EIF4E3: variants seen among roughly 807,000 people sequenced by gnomAD.
The protein encoded by EIF4E3 is eukaryotic translation initiation factor 4E type 3.
EIF4E3 carries 26 observed loss-of-function variants against 31.7 expected under a neutral mutation model. The observed-to-expected ratio is 0.82, with a 90% CI of 0.60 to 1.14. EIF4E3 has a LOEUF of 1.14. EIF4E3 is among the 50% of genes most tolerant of loss of function. The pLI is 0.00. For synonymous variants in EIF4E3, 128 were observed against 107.7 expected (o/e 1.19, Z -1.17); for missense variants, 304 against 270.9 (o/e 1.12, Z -0.86).
the EIF4E3 span, among the ~76,000 whole-genome samples, chr3:71,659,808 T>A: frequency 1.3e-4 from 20 of 152,348 alleles, no homozygotes; most frequent in Admixed American, 9.8e-4. Flanking sequence ...GATAGTCACC[T>A]GGGGGCAGGA....
At chr3:71,665,955 T>C in the EIF4E3 span, among the ~76,000 whole-genome samples, 1 of 152,226 alleles carries the variant, frequency 6.6e-6, no homozygotes, top group East Asian at 1.9e-4. Flanking sequence ...AAGCAGTTTT[T>C]AGAGGGAAAT....
At chr3:71,714,277 G>GGAAA (rs1424283180) in intron 1 of EIF4E3, among the ~76,000 whole-genome samples, 6 of 135,750 alleles carry the variant, frequency 4.4e-5, no homozygotes, top group Non-Finnish European at 9.6e-5. Context: ...AAGGAAAGAA[G>GGAAA]GAAGGAAGGA....
chr3:71,725,505 C>T, upstream of EIF4E3: 1 of 393,122 alleles, frequency 2.5e-6, no homozygotes, highest in Non-Finnish European at 3.4e-6. This position sits in a 1 kb window ranked among gnomAD's most constrained non-coding sequence, Gnocchi z 6.1. Context: ...CCGCCGCCCG[C>T]CGCCCGCCGC....
rs144382256 is a variant in EIF4E3 at position 71,706,951 on chromosome 3, T to C, written c.249+3461A>G. On this transcript the variant is annotated intron_variant, in intron 2 of 6. Coordinates refer to ENST00000425534, the MANE Select transcript of EIF4E3 (RefSeq NM_001134651.2). The stretch of plus-strand genomic sequence containing the variant: ...TAAATACTAAGGACAATTTATCAGC[T>C]GTTATGGACACTCGCAGGCTGAAAA... 3.4e-4 allele frequency among the ~76,000 whole-genome samples: 52 copies of C among 152,374 alleles called. 1 individual carries two copies. The highest frequency in any genetic ancestry group is 1.2e-3 in the African/African-American group (51 of 41,588).
intron 1 of EIF4E3, among the ~76,000 whole-genome samples, chr3:71,722,291 G>C (rs539582433): frequency 6.6e-6 from 1 of 152,214 alleles, no homozygotes; most frequent in African/African-American, 2.4e-5. Context: ...GGAGACAAAG[G>C]GGAAGGAGCA....
chr3:71,706,384 G>T (rs975189521), intron 2 of EIF4E3, among the ~76,000 whole-genome samples: 1 of 152,132 alleles, frequency 6.6e-6, no homozygotes, highest in Non-Finnish European at 1.5e-5. Flanking sequence ...GGGCCTCAAA[G>T]TATAAAAAGA....
the EIF4E3 span, among the ~76,000 whole-genome samples, chr3:71,668,801 T>C: frequency 0.028 from 4,215 of 152,308 alleles, 94 homozygotes; most frequent in African/African-American, 0.051. Context: ...TTGGTGGAAG[T>C]GTAAATTAGT....
Position 71,684,726 on chromosome 3 carries a change from G to C in EIF4E3, c.631C>G (p.His211Asp), listed in dbSNP as rs1448260347. 6.2e-7 allele frequency: 1 copy of C among 1,613,632 alleles called. No homozygotes were observed. The highest frequency in any genetic ancestry group is 1.7e-5 in the Admixed American group (1 of 59,968). ...CCTTCAAAAGCATGATGCTCTTCAT[G>C]GGCTAAAGGACAGAAAAAAAACAAA... is the stretch of plus-strand genomic sequence containing the variant. The part of the protein sequence containing the change: ...ITFKAVFYKP[H>D]EEHHAFEGGR... Residue 211 changes from histidine (H) to aspartate (D), a missense_variant and splice_region_variant, in exon 7 of 7, where the codon CAT becomes GAT. Physicochemically the swap from His to Asp is moderately conservative, Grantham distance 81 (BLOSUM62 -1). Transcript: ENST00000425534.
intron 2 of EIF4E3, among the ~76,000 whole-genome samples, chr3:71,708,689 A>G (rs2049330580): frequency 6.6e-6 from 1 of 152,060 alleles, no homozygotes; most frequent in Non-Finnish European, 1.5e-5. Context: ...GGAAAAGTCT[A>G]ATGAGACTCT....
At chr3:71,716,378 A>G (rs1578366765) in intron 1 of EIF4E3, among the ~76,000 whole-genome samples, 1 of 152,086 alleles carries the variant, frequency 6.6e-6, no homozygotes, top group African/African-American at 2.4e-5. Flanking sequence ...GACTACAAGC[A>G]CCCGCCACCA....
At chr3:71,711,288 C>A (rs991493790) in intron 1 of EIF4E3, among the ~76,000 whole-genome samples, 1 of 152,168 alleles carries the variant, frequency 6.6e-6, no homozygotes, top group Non-Finnish European at 1.5e-5. Flanking sequence ...AGTTCATGCT[C>A]AAAAATGTTG....
the EIF4E3 span, among the ~76,000 whole-genome samples, chr3:71,666,497 C>T: frequency 7.2e-5 from 11 of 152,260 alleles, no homozygotes; most frequent in African/African-American, 2.4e-4. Context: ...GGATTCACAG[C>T]TGAATTCTAC....
chr3:71,695,973 G>C (rs1367889136), intron 4 of EIF4E3, among the ~76,000 whole-genome samples: 1 of 152,174 alleles, frequency 6.6e-6, no homozygotes, highest in Admixed American at 6.5e-5. Context: ...GCCCCAGAGG[G>C]AGATGGAGCA....
At chr3:71,716,218 G>A (rs2049463011) in intron 1 of EIF4E3, among the ~76,000 whole-genome samples, 1 of 151,678 alleles carries the variant, frequency 6.6e-6, no homozygotes, top group Non-Finnish European at 1.5e-5. Context: ...AAGAAGTGAA[G>A]TGCTTGAAAG....
chr3:71,709,906 T>C (rs2049350422), intron 2 of EIF4E3, among the ~76,000 whole-genome samples: 1 of 152,052 alleles, frequency 6.6e-6, no homozygotes, highest in Non-Finnish European at 1.5e-5. Flanking sequence ...CCATGCCTAA[T>C]TTAGGATGAT....
intron 2 of EIF4E3, among the ~76,000 whole-genome samples, chr3:71,706,045 C>T (rs549000888): frequency 1.3e-3 from 198 of 152,302 alleles, no homozygotes; most frequent in African/African-American, 4.6e-3. Context: ...CTGGAAAATA[C>T]GCCTAGATGT....
At chr3:71,696,146 G>A (rs940505055) in intron 4 of EIF4E3, among the ~76,000 whole-genome samples, 6 of 152,178 alleles carry the variant, frequency 3.9e-5, no homozygotes, top group African/African-American at 1.4e-4. Context: ...GCAACATGTT[G>A]GTCATGGCTG....
chr3:71,690,315 A>G (rs2049048153), intron 5 of EIF4E3, 150 bp from the exon 6 acceptor site: 2 of 911,440 alleles, frequency 2.2e-6, no homozygotes, highest in Non-Finnish European at 3.1e-6. Flanking sequence ...AATTGTTTCT[A>G]TGGGGAATCA....
At position 71,684,517 on chromosome 3, in the gene EIF4E3, C is replaced by G. The variant is rs563819259; in HGVS notation, c.*165G>C. ...GGTAGAAACCCACACAATCTCCCCCCACCCCACCTGCCACTTTGAGTCCTA... is the reference window on the plus strand; with the variant it reads ...GGTAGAAACCCACACAATCTCCCCCGACCCCACCTGCCACTTTGAGTCCTA... On this transcript the variant is annotated 3_prime_UTR_variant, in exon 7 of 7. Coordinates refer to ENST00000425534, the MANE Select transcript of EIF4E3 (RefSeq NM_001134651.2). 1.7e-6 allele frequency: 1 copy of G among 591,790 alleles called. No homozygotes were observed. Among genetic ancestry groups the G allele is most frequent in the Non-Finnish European group, 2.8e-6 (1 of 356,764 alleles). The allele number at this position is 591,790 out of a possible 1,614,324, so 36.7% of individuals were successfully genotyped here.
Sources: gnomAD v4.1 joint callset for allele counts (sites outside exome capture counted in the v4.1 genomes callset) on GRCh38, gnomAD v4.1.1 for gene constraint, Gnocchi (gnomAD v3.1) non-coding constraint, MANE v1.5 for transcripts, NCBI Gene and HGNC (gene_info 2026-07-23, HGNC 2026-07-21) for gene names.